KCTD1: variants seen among roughly 807,000 people sequenced by gnomAD.
KCTD1 encodes the protein BTB/POZ domain-containing protein KCTD1.
A neutral mutation model predicts 66.0 loss-of-function variants in KCTD1; 24 were observed. The ratio of observed to expected loss-of-function variants is 0.36; its 90% CI spans 0.26 to 0.51. KCTD1 has a LOEUF of 0.51. KCTD1 is among the 20% of genes least tolerant of loss of function. The probability of loss-of-function intolerance (pLI) is 0.95; values close to 1 mark genes in which losing one functional copy is unlikely to be tolerated. For missense variants in KCTD1, 943 were observed against 1,205.2 expected, an observed-to-expected ratio of 0.78 and a Z score of 3.22; for synonymous variants, 511 against 517.2, an observed-to-expected ratio of 0.99 and a Z score of 0.16.
chr18:26,455,269 C>CAA lies in KCTD1; in HGVS notation c.*472_*473dup, dbSNP rs1178194258. 6.5e-6 allele frequency: 1 copy of CAA among 152,846 alleles called. No homozygotes were observed. Among genetic ancestry groups the CAA allele is most frequent in the Non-Finnish European group, 1.5e-5 (1 of 68,406 alleles). The allele number at this position is 152,846 out of a possible 1,614,324, so 9.5% of individuals were successfully genotyped here. ...AAGAAAGACGTGGAACCTCCATATA[C>CAA]AAACAAACTTGATTCAAGGTGTTTT... On this transcript the variant is annotated 3_prime_UTR_variant, in exon 5 of 5. Coordinates refer to ENST00000580059, the MANE Select transcript of KCTD1 (RefSeq NM_001142730.3).
In KCTD1 at chr18:26,476,001, C is replaced by T. The variant is rs978503126; in HGVS notation, c.2133+514G>A. On this transcript the variant is annotated intron_variant, in intron 3 of 4. Coordinates refer to ENST00000580059, the MANE Select transcript of KCTD1 (RefSeq NM_001142730.3). This position sits in a 1 kb window ranked among gnomAD's most constrained non-coding sequence, Gnocchi z 4.9. Reference sequence around the variant, plus strand: ...TTGTCAGCTGCAAAAATTACATTTTCGTGAATTCCCTTCTAATATTAACAC... The same window carrying T: ...TTGTCAGCTGCAAAAATTACATTTTTGTGAATTCCCTTCTAATATTAACAC... Among the ~76,000 whole-genome samples the T allele has an allele frequency of 1.1e-4, 17 of 152,306 alleles. No individual in the cohort carries two copies. The East Asian group carries it at 1.7e-3, about 16-fold the overall frequency.
intron 1 of KCTD1, among the ~76,000 whole-genome samples, chr18:26,530,299 T>C (rs1984374753): frequency 6.6e-6 from 1 of 152,164 alleles, no homozygotes; most frequent in African/African-American, 2.4e-5. Context: ...ATACAGTTTA[T>C]CTTTGTTGTA....
chr18:26,549,739 C>T (rs1985473340), upstream of KCTD1: 1 of 985,480 alleles, frequency 1.0e-6, no homozygotes, highest in South Asian at 4.7e-5. Context: ...TCAAAGTTTG[C>T]CAACCGCCAT....
At chr18:26,530,599 G>C (rs1439554185) in intron 1 of KCTD1, among the ~76,000 whole-genome samples, 1 of 152,186 alleles carries the variant, frequency 6.6e-6, no homozygotes, top group Non-Finnish European at 1.5e-5. Context: ...TTTGGCTGAT[G>C]ATTTATTTTG....
intron 1 of KCTD1, among the ~76,000 whole-genome samples, chr18:26,503,167 T>C (rs1982853262): frequency 1.3e-5 from 2 of 152,206 alleles, no homozygotes; most frequent in African/African-American, 4.8e-5. Flanking sequence ...TTAAATCGGC[T>C]GGTCGGCTCA....
chr18:26,494,605 T>C (rs1210002149), intron 2 of KCTD1, among the ~76,000 whole-genome samples: 1 of 152,206 alleles, frequency 6.6e-6, no homozygotes, highest in Non-Finnish European at 1.5e-5. Flanking sequence ...AGTTTCATTG[T>C]TTTTTTAAAA....
chr18:26,645,827 A>G (rs1419317936), intron 1 of KCTD1, among the ~76,000 whole-genome samples: 2 of 152,146 alleles, frequency 1.3e-5, no homozygotes, highest in African/African-American at 4.8e-5. Context: ...TAGAAATGCA[A>G]ATTCTCAGGC....
chr18:26,651,265 C>A (rs546233364), intron 1 of KCTD1, among the ~76,000 whole-genome samples: 3 of 152,290 alleles, frequency 2.0e-5, no homozygotes, highest in Admixed American at 6.5e-5. Context: ...AATAGTATGT[C>A]CTGGACAGAA....
At chr18:26,597,312 G>T (rs1323635974) in intron 1 of KCTD1, among the ~76,000 whole-genome samples, 1 of 152,072 alleles carries the variant, frequency 6.6e-6, no homozygotes, top group Non-Finnish European at 1.5e-5. Context: ...ATGTGCACAT[G>T]GGAGGAAGGA....
intron 1 of KCTD1, among the ~76,000 whole-genome samples, chr18:26,527,064 T>C (rs2144763523): frequency 6.6e-6 from 1 of 152,240 alleles, no homozygotes; most frequent in South Asian, 2.1e-4. Flanking sequence ...TGGGACATTA[T>C]CATCAGCAAC....
intron 1 of KCTD1, among the ~76,000 whole-genome samples, chr18:26,534,730 G>T: frequency 1.3e-5 from 2 of 152,174 alleles, no homozygotes; most frequent in South Asian, 4.2e-4. Context: ...GATCATTCAG[G>T]TCAATGATTC....
At position 26,554,162 on chromosome 18, in the gene KCTD1, A is replaced by G. The variant is rs190380513; in HGVS notation, c.-15-52912T>C. On this transcript the variant is annotated intron_variant, in intron 1 of 4. Coordinates refer to the KCTD1 transcript ENST00000317932. ...ATAATCAAGGGAACAATTCAGAAGG[A>G]AAGAAAAAGAAAGAAGGAAGGAAAA... is the stretch of plus-strand genomic sequence containing the variant. Among the ~76,000 whole-genome samples, 543 of 148,754 alleles carry G rather than the reference A, an allele frequency of 3.7e-3. 21 individuals carry two copies. Among genetic ancestry groups the G allele is most frequent in the Middle Eastern group, 0.014 (4 of 288 alleles).
At position 26,468,985 on chromosome 18, in the gene KCTD1, A is replaced by G. The variant is rs1162256043; in HGVS notation, c.2133+7530T>C. Among the ~76,000 whole-genome samples, 1 of 152,160 alleles carries G rather than the reference A, an allele frequency of 6.6e-6. No individual in the cohort carries two copies. Among genetic ancestry groups the G allele is most frequent in the East Asian group, 1.9e-4 (1 of 5,190 alleles). On this transcript the variant is annotated intron_variant, in intron 3 of 4. Transcript: ENST00000580059. The surrounding 1 kb of genome is among the most constrained non-coding windows in gnomAD (Gnocchi z 4.8). ...GTGTACCTGTATTTGTGACTCCTGT[A>G]AACTGCACTGCTCCTGCTGATGCAA...
At chr18:26,607,582 T>C (rs1416936625) in intron 1 of KCTD1, among the ~76,000 whole-genome samples, 1 of 152,188 alleles carries the variant, frequency 6.6e-6, no homozygotes, top group Non-Finnish European at 1.5e-5. Context: ...GGTCTTTCCT[T>C]CCATAATATG....
chr18:26,600,693 A>T (rs1434134590), intron 1 of KCTD1, among the ~76,000 whole-genome samples: 1 of 151,826 alleles, frequency 6.6e-6, no homozygotes, highest in Non-Finnish European at 1.5e-5. Context: ...ACTCTAACAG[A>T]GCTGCAGACC....
chr18:26,657,321 C>T (rs1988179144), intron 1 of KCTD1: 2 of 985,238 alleles, frequency 2.0e-6, no homozygotes, highest in African/African-American at 1.7e-5. Context: ...CCATACCCTC[C>T]TTAGCAAATA....
intron 1 of KCTD1, among the ~76,000 whole-genome samples, chr18:26,593,445 A>C (rs1412710146): frequency 8.9e-6 from 1 of 112,102 alleles, no homozygotes; most frequent in Non-Finnish European, 1.8e-5. Context: ...GGAGGAAGAC[A>C]AGGAGGATGA....
chr18:26,603,506 C>T (rs1302373858), intron 1 of KCTD1, among the ~76,000 whole-genome samples: 3 of 151,418 alleles, frequency 2.0e-5, no homozygotes, highest in East Asian at 1.9e-4. Flanking sequence ...TTTGGGAGGC[C>T]GAGGTGGGCG....
At chr18:26,532,261 C>CTTTTTTTTTTTTTTTTTTTTTT (rs533359603) in intron 1 of KCTD1, among the ~76,000 whole-genome samples, 7 of 29,556 alleles carry the variant, frequency 2.4e-4, no homozygotes, top group African/African-American at 3.9e-4. Flanking sequence ...TTCTTTCCTT[C>CTTTTTTTTTTTTTTTTTTTTTT]TTTTTTTTTT....
Sources: allele counts gnomAD v4.1 joint callset (sites outside exome capture counted in the v4.1 genomes callset), GRCh38; gene constraint gnomAD v4.1.1; non-coding constraint Gnocchi (gnomAD v3.1); transcripts MANE v1.5; gene names NCBI Gene and HGNC (gene_info 2026-07-23, HGNC 2026-07-21).